The following COL5A1 variants were observed in gnomAD, a reference collection of about 807,000 sequenced individuals.
COL5A1 encodes collagen alpha-1(V) chain.
In COL5A1, 16 loss-of-function variants were observed where a neutral mutation model predicts 263.7. The ratio of observed to expected loss-of-function variants is 0.06; its 90% CI spans 0.04 to 0.09. The LOEUF is 0.09. COL5A1 is among the 10% of genes least tolerant of loss of function. COL5A1 has a pLI of 1.00. For synonymous variants in COL5A1, 1,012 were observed against 1,004.5 expected, an observed-to-expected ratio of 1.01 and a Z score of -0.14; for missense variants, 2,036 against 2,540.5, an observed-to-expected ratio of 0.80 and a Z score of 4.27.
At chr9:134,669,536 G>A (rs1832477903) in intron 1 of COL5A1, among the ~76,000 whole-genome samples, 1 of 152,060 alleles carries the variant, frequency 6.6e-6, no homozygotes. Context: ...GCGGCCAGGA[G>A]TGGCTAACTT....
Position 134,814,777 on chromosome 9 carries a change from C to T in COL5A1, c.3907-20C>T, listed in dbSNP as rs1396455529. On this transcript the variant is annotated intron_variant, in intron 49 of 65. Transcript: ENST00000371817. The stretch of plus-strand genomic sequence containing the variant: ...GACGTGGTTGGCTCTGAGGACTTGA[C>T]ACTGGCCTCTTTCCTCCAGGGACCC... 1.2e-5 allele frequency: 18 copies of T among 1,539,172 alleles called. No homozygotes were observed. The highest frequency in any genetic ancestry group is 1.5e-5 in the Non-Finnish European group (17 of 1,135,772).
chr9:134,824,972 G>A (rs1043668796), intron 62 of COL5A1, 117 bp downstream of exon 62: 31 of 1,376,736 alleles, frequency 2.3e-5, no homozygotes, highest in Middle Eastern at 2.6e-4. Context: ...ACGGGCAGCC[G>A]CAGCCTCCCC....
rs999250303 is a variant in COL5A1 at position 134,821,841 on chromosome 9, G to A, written c.4555-256G>A. ...AAGTCCTCGGTGGCCTGGGGGATGA[G>A]AGTGAGTTCCTGGCAGCCCAGCCGG... On this transcript the variant is annotated intron_variant, in intron 58 of 65. Coordinates refer to ENST00000371817, the MANE Select transcript of COL5A1 (RefSeq NM_000093.5). The surrounding 1 kb of genome is among the most constrained non-coding windows in gnomAD (Gnocchi z 4.2). Among the ~76,000 whole-genome samples, 1 of 152,238 alleles carries A rather than the reference G, an allele frequency of 6.6e-6. No individual in the cohort carries two copies. Among genetic ancestry groups the A allele is most frequent in the Non-Finnish European group, 1.5e-5 (1 of 68,042 alleles).
In COL5A1 at chr9:134,766,953, A is replaced by G. The variant is rs1319005800; in HGVS notation, c.2134-47A>G. 11 of 1,557,354 alleles carry G rather than the reference A, an allele frequency of 7.1e-6. No homozygotes were observed. In the East Asian group the frequency reaches 9.0e-5, roughly 13 times the overall value. On this transcript the variant is annotated intron_variant, in intron 22 of 65. Coordinates refer to ENST00000371817, the MANE Select transcript of COL5A1 (RefSeq NM_000093.5). ...GGCACACGACACCCAGGAAGGGGAT[A>G]CAGTTCCCAGAGCCCCCTTCAGTGC... is the stretch of plus-strand genomic sequence containing the variant.
chr9:134,739,912 GAGA>G (rs1029776938), intron 11 of COL5A1, among the ~76,000 whole-genome samples: 5 of 152,176 alleles, frequency 3.3e-5, no homozygotes, highest in Non-Finnish European at 7.3e-5. Context: ...GCCTTTGGAG[GAGA>G]AGGATTCAGG....
In COL5A1 at chr9:134,741,642, C is replaced by A. The variant is rs1204178176; in HGVS notation, c.1494+2834C>A. Reference sequence around the variant, plus strand: ...GGTGGGAGGAGGGGGTAATGCCCTGCTTTTAGGCAGAAGAGGGGAGGTAAG... The same window carrying A: ...GGTGGGAGGAGGGGGTAATGCCCTGATTTTAGGCAGAAGAGGGGAGGTAAG... On this transcript the variant is annotated intron_variant, in intron 11 of 65. Coordinates refer to ENST00000371817, the MANE Select transcript of COL5A1 (RefSeq NM_000093.5). The surrounding 1 kb of genome is among the most constrained non-coding windows in gnomAD (Gnocchi z 4.5). Among the ~76,000 whole-genome samples, 1 of 152,094 alleles carries A rather than the reference C, an allele frequency of 6.6e-6. No homozygotes were observed. The highest frequency in any genetic ancestry group is 1.5e-5 in the Non-Finnish European group (1 of 68,018).
chr9:134,812,640 C>T lies in COL5A1; in HGVS notation c.3780C>T (p.Ser1260=), dbSNP rs150591401. 51 of 1,600,162 alleles carry T rather than the reference C, an allele frequency of 3.2e-5. No homozygotes were observed. Among genetic ancestry groups the T allele is most frequent in the Middle Eastern group, 3.3e-4 (2 of 6,062 alleles). The change falls in exon 48 of 66, where the codon TCC becomes TCT. Residue 1260 remains serine, a synonymous_variant. Transcript: ENST00000371817. ...PPGPPGPRGP[S]GAPGADGPQG... ...GTCCCCCTGGCCCCCGAGGACCCTC[C>T]GGAGCTCCAGGTGCTGATGGCCCAC...
At chr9:134,769,687 C>A (rs1038576058) in intron 25 of COL5A1, among the ~76,000 whole-genome samples, 5 of 152,038 alleles carry the variant, frequency 3.3e-5, no homozygotes, top group African/African-American at 9.7e-5. Flanking sequence ...CAGAGCCCTG[C>A]GGGGAGGAAG....
chr9:134,728,675 G>T lies in COL5A1; in HGVS notation c.792G>T (p.Thr264=), dbSNP rs757360763. 8.7e-6 allele frequency: 14 copies of T among 1,613,958 alleles called. No homozygotes were observed. Among genetic ancestry groups the T allele is most frequent in the Non-Finnish European group, 1.1e-5 (13 of 1,180,034 alleles). The change falls in exon 6 of 66, where the codon ACG becomes ACT. Residue 264 remains threonine, a synonymous_variant. Transcript: ENST00000371817. The stretch of plus-strand genomic sequence containing the variant: ...GGGCCGCAATTCGCTTTCAGTACAC[G>T]GAAGGAGACGGCGAGGGTGAGACCT... The part of the protein sequence containing the change: ...SQDPNPDEYY[T]EGDGEGETYY...
In COL5A1 at chr9:134,680,258, C is replaced by T. The variant is rs1476831974; in HGVS notation, c.110-10654C>T. 1.3e-5 allele frequency among the ~76,000 whole-genome samples: 2 copies of T among 152,176 alleles called. No homozygotes were observed. Among genetic ancestry groups the T allele is most frequent in the Non-Finnish European group, 2.9e-5 (2 of 68,022 alleles). On this transcript the variant is annotated intron_variant, in intron 1 of 65. Coordinates refer to ENST00000371817, the MANE Select transcript of COL5A1 (RefSeq NM_000093.5). The surrounding 1 kb of genome is among the most constrained non-coding windows in gnomAD (Gnocchi z 5.9). ...AAGGTTAACATAGAGCCTCCAGGCC[C>T]GGCTACAGGCCATTTTCTCACCCTG...
In COL5A1 at chr9:134,758,181, C is replaced by T; in HGVS notation, c.1882-62C>T. ...GGGGCGGCCATCACTTGGTGGACAC[C>T]AAGGCGGGGTGTCCACGTGTGCAGG... On this transcript the variant is annotated intron_variant, in intron 17 of 65. Transcript: ENST00000371817. This position sits in a 1 kb window ranked among gnomAD's most constrained non-coding sequence, Gnocchi z 4.1. The T allele has an allele frequency of 6.3e-7, 1 of 1,578,216 alleles. No homozygotes were observed. The highest frequency in any genetic ancestry group is 8.7e-7 in the Non-Finnish European group (1 of 1,148,230).
intron 4 of COL5A1, among the ~76,000 whole-genome samples, chr9:134,707,181 C>T (rs1275882940): frequency 2.6e-5 from 4 of 152,078 alleles, no homozygotes; most frequent in South Asian, 2.1e-4. Context: ...AGAACTGCCC[C>T]GGGGGACAGC....
chr9:134,796,498 G>A, intron 35 of COL5A1, 80 bp downstream of exon 35: 2 of 1,462,872 alleles, frequency 1.4e-6, no homozygotes. Flanking sequence ...CCTGGGGTGG[G>A]CTGGGGCCAG....
chr9:134,807,614 C>T lies in COL5A1; in HGVS notation c.3366+1318C>T, dbSNP rs533347094. On this transcript the variant is annotated intron_variant, in intron 42 of 65. Transcript: ENST00000371817. ...AGCCAGAAACTGTGATTTTCTTGTA[C>T]GTTTCACTCTCAGTGGCTCATGGGT... is the stretch of plus-strand genomic sequence containing the variant. 6.6e-4 allele frequency among the ~76,000 whole-genome samples: 100 copies of T among 152,332 alleles called. No individual in the cohort carries two copies. The South Asian group carries it at 9.1e-3, about 14-fold the overall frequency.
chr9:134,685,694 ATCCATCCATTG>A (rs1297818755), intron 1 of COL5A1, among the ~76,000 whole-genome samples: 1 of 144,160 alleles, frequency 6.9e-6, no homozygotes, highest in African/African-American at 2.7e-5. Context: ...ATCCACCATC[ATCCATCCATTG>A]TCCATCATCC....
intron 25 of COL5A1, among the ~76,000 whole-genome samples, chr9:134,769,084 G>C (rs1383939106): frequency 6.6e-6 from 1 of 152,220 alleles, no homozygotes; most frequent in African/African-American, 2.4e-5. Flanking sequence ...GTAAGTGCCT[G>C]CTGTGGTTTT....
rs543512507 is a variant in COL5A1, at chr9:134,797,772, G to A, written c.2899-636G>A. ...TGCTGGGATTACAGCCACCGTGCCC[G>A]GAGCCCCCACGCCCGGCCATCTCTT... is the stretch of plus-strand genomic sequence containing the variant. On this transcript the variant is annotated intron_variant, in intron 36 of 65. Transcript: ENST00000371817. Among the ~76,000 whole-genome samples the A allele has an allele frequency of 2.7e-4, 41 of 152,204 alleles. No individual in the cohort carries two copies. In the East Asian group the frequency reaches 7.6e-3, roughly 28 times the overall value.
rs1433956572 is a variant in COL5A1, at chr9:134,680,522, G to A, written c.110-10390G>A. Among the ~76,000 whole-genome samples, 1 of 152,242 alleles carries A rather than the reference G, an allele frequency of 6.6e-6. No individual in the cohort carries two copies. Among genetic ancestry groups the A allele is most frequent in the Non-Finnish European group, 1.5e-5 (1 of 68,044 alleles). Reference sequence around the variant, plus strand: ...CCTGGTCCCCGCTGTGGAGGGCGGAGCTGGCATCCTGACTAGCCCTGGTCA... The same window carrying A: ...CCTGGTCCCCGCTGTGGAGGGCGGAACTGGCATCCTGACTAGCCCTGGTCA... On this transcript the variant is annotated intron_variant, in intron 1 of 65. Transcript: ENST00000371817. This position sits in a 1 kb window ranked among gnomAD's most constrained non-coding sequence, Gnocchi z 5.9.
At chr9:134,815,699 C>T (rs1838719206) in intron 51 of COL5A1, 70 bp downstream of exon 51, 2 of 1,533,870 alleles carry the variant, frequency 1.3e-6, no homozygotes, top group East Asian at 4.6e-5. Context: ...GCCCCATTTC[C>T]CCTCTTTCTG....
Sources: gnomAD v4.1 joint callset for allele counts (sites outside exome capture counted in the v4.1 genomes callset) on GRCh38, gnomAD v4.1.1 for gene constraint, Gnocchi (gnomAD v3.1) non-coding constraint, MANE v1.5 for transcripts, NCBI Gene and HGNC (gene_info 2026-07-23, HGNC 2026-07-21) for gene names.